CORO6: variants seen among roughly 807,000 people sequenced by gnomAD.
CORO6 encodes coronin 6, also known as coronin-6.
CORO6 carries 43 observed loss-of-function variants against 49.0 expected under a neutral mutation model. The ratio of observed to expected loss-of-function variants is 0.88; its 90% CI spans 0.69 to 1.13. The LOEUF is 1.13. CORO6 is among the 50% of genes most tolerant of loss of function. The probability of loss-of-function intolerance (pLI) is 0.00; values close to 1 mark genes in which losing one functional copy is unlikely to be tolerated. For synonymous variants in CORO6, 233 were observed against 256.5 expected (o/e 0.91, Z 0.88); for missense variants, 650 against 647.0 (o/e 1.00, Z -0.05).
At position 29,622,880 on chromosome 17, in the gene CORO6, C is replaced by A. The variant is rs1567813339; in HGVS notation, c.-256G>T. 1 of 1,288,134 alleles carries A rather than the reference C, an allele frequency of 7.8e-7. No individual in the cohort carries two copies. Among genetic ancestry groups the A allele is most frequent in the Non-Finnish European group, 1.0e-6 (1 of 983,774 alleles). The allele number at this position is 1,288,134 out of a possible 1,614,324, so 79.8% of individuals were successfully genotyped here. A position where few individuals can be genotyped will look rare whatever the true frequency, so the allele number is the denominator to read the frequency against. ...TCTCTAGAGCCCGGCGCCGCTGCAG[C>A]CCCAGCTGCCGCTGCCATCAACCTA... On this transcript the variant is annotated 5_prime_UTR_variant, in exon 1 of 11. Transcript: ENST00000388767.
chr17:29,622,217 T>TAG (rs2035340345), intron 1 of CORO6: 1 of 153,128 alleles, frequency 6.5e-6, no homozygotes, highest in East Asian at 1.9e-4. Context: ...TGGTTGGGCC[T>TAG]TCTTCCTAGT....
In CORO6 at chr17:29,615,940, C is replaced by T; in HGVS notation, c.1293+5G>A. 1.9e-6 allele frequency: 3 copies of T among 1,578,748 alleles called. No individual in the cohort carries two copies. The highest frequency in any genetic ancestry group is 2.6e-6 in the Non-Finnish European group (3 of 1,161,028). On this transcript the variant is annotated splice_donor_5th_base_variant and intron_variant, in intron 10 of 10. Transcript: ENST00000388767. The stretch of plus-strand genomic sequence containing the variant: ...TGGGCCAGAGTGCAGCAGGGCCGAT[C>T]TTACCGACAAGGGGGCGTCGCTGGC...
At position 29,621,113 on chromosome 17, in the gene CORO6, A is replaced by G; in HGVS notation, c.198+111T>C. ...GGGGAATAGGGAGGAGCCAATCCAC[A>G]CAGATGCTTCTCCTGACTATGGAAT... is the stretch of plus-strand genomic sequence containing the variant. On this transcript the variant is annotated intron_variant, in intron 2 of 10. Transcript: ENST00000388767. This position sits in a 1 kb window ranked among gnomAD's most constrained non-coding sequence, Gnocchi z 4.2. 1 of 1,388,970 alleles carries G rather than the reference A, an allele frequency of 7.2e-7. No individual in the cohort carries two copies. The highest frequency in any genetic ancestry group is 9.8e-7 in the Non-Finnish European group (1 of 1,017,974). 86.0% of individuals were successfully genotyped at this position (1,388,970 alleles called of 1,614,324 possible). A position where few individuals can be genotyped will look rare whatever the true frequency, so the allele number is the denominator to read the frequency against.
At chr17:29,620,483 T>A (rs1598645678) in intron 2 of CORO6, among the ~76,000 whole-genome samples, 1 of 152,090 alleles carries the variant, frequency 6.6e-6, no homozygotes, top group African/African-American at 2.4e-5. Flanking sequence ...TTGTCTGGGG[T>A]GAGTCACTGG....
Position 29,621,347 on chromosome 17 carries a change from G to T in CORO6, c.75C>A (p.Tyr25Ter), listed in dbSNP as rs201440567. 4 of 1,614,082 alleles carry T rather than the reference G, an allele frequency of 2.5e-6. No individual in the cohort carries two copies. In the African/African-American group the frequency reaches 5.3e-5, roughly 22 times the overall value. ...TGACCTTGGACACACGGATGTCCTC[G>T]TAGGCCTGGTCGGCCTTTGCTGCCT... Reference protein sequence around the residue: ...FGQAAKADQAYEDIRVSKVTW... With the variant: ...FGQAAKADQA Residue 25 changes from tyrosine to a stop codon, truncating the protein, a stop_gained, in exon 2 of 11, where the codon TAC becomes TAA. Coordinates refer to ENST00000388767, the MANE Select transcript of CORO6 (RefSeq NM_032854.4). LOFTEE classifies it high-confidence loss of function. The surrounding 1 kb of genome is among the most constrained non-coding windows in gnomAD (Gnocchi z 4.2).
chr17:29,616,378 T>A lies in CORO6; in HGVS notation c.1005-42A>T, dbSNP rs368623066. 67 of 1,563,284 alleles carry A rather than the reference T, an allele frequency of 4.3e-5. No homozygotes were observed. In the African/African-American group the frequency reaches 7.9e-4, roughly 19 times the overall value. ...TTCAGCACCCTCGCAGACTTCCACGTCCTTAACTTCTCCTGTCTAAGACCA... is the reference window on the plus strand; with the variant it reads ...TTCAGCACCCTCGCAGACTTCCACGACCTTAACTTCTCCTGTCTAAGACCA... On this transcript the variant is annotated intron_variant, in intron 8 of 10. Coordinates refer to ENST00000388767, the MANE Select transcript of CORO6 (RefSeq NM_032854.4). The surrounding 1 kb of genome is among the most constrained non-coding windows in gnomAD (Gnocchi z 5.6).
Position 29,616,206 on chromosome 17 carries a change from G to A in CORO6, c.1063-31C>T. On this transcript the variant is annotated intron_variant, in intron 9 of 10. Transcript: ENST00000388767. This position sits in a 1 kb window ranked among gnomAD's most constrained non-coding sequence, Gnocchi z 5.6. Reference sequence around the variant, plus strand: ...GGGGTGGGTGGACAGGAGGACTTGCGTGAGAGGGTGCGGGGCTTGCTCCGC... The same window carrying A: ...GGGGTGGGTGGACAGGAGGACTTGCATGAGAGGGTGCGGGGCTTGCTCCGC... 5 of 1,610,334 alleles carry A rather than the reference G, an allele frequency of 3.1e-6. No individual in the cohort carries two copies. Among genetic ancestry groups the A allele is most frequent in the South Asian group, 1.1e-5 (1 of 90,766 alleles).
chr17:29,622,718 G>T lies in CORO6; in HGVS notation c.-94C>A. 1 of 1,295,886 alleles carries T rather than the reference G, an allele frequency of 7.7e-7. No individual in the cohort carries two copies. The highest frequency in any genetic ancestry group is 1.3e-5 in the South Asian group (1 of 79,136). The allele number at this position is 1,295,886 out of a possible 1,614,324, so 80.3% of individuals were successfully genotyped here. A position where few individuals can be genotyped will look rare whatever the true frequency, so the allele number is the denominator to read the frequency against. On this transcript the variant is annotated 5_prime_UTR_variant, in exon 1 of 11. Coordinates refer to ENST00000388767, the MANE Select transcript of CORO6 (RefSeq NM_032854.4). ...CCTGAGCGGGCTGCGGGGCGCTCAC[G>T]CTGCGAATCCTCTGCGGAAGGGGCC...
Position 29,617,589 on chromosome 17 carries a change from G to A in CORO6, c.664C>T (p.Pro222Ser), listed in dbSNP as rs758684863. 4 of 1,605,278 alleles carry A rather than the reference G, an allele frequency of 2.5e-6. No homozygotes were observed. The highest frequency in any genetic ancestry group is 1.3e-5 in the African/African-American group (1 of 74,964). ...TGGCGCGTGAAGACGGCCCGCATGG[G>A]CCTCATCCCCTCGTGGGCCGCAAAC... ...ERFAAHEGMR[P>S]MRAVFTRQGH... Residue 222 changes from proline (P) to serine (S), a missense_variant, in exon 6 of 11, where the codon CCC becomes TCC. Transcript: ENST00000388767.
At position 29,617,882 on chromosome 17, in the gene CORO6, T is replaced by C. The variant is rs375954735; in HGVS notation, c.634-263A>G. ...TTAAGCGCGCTCAAAGGCCGATCCC[T>C]AGAGCAGGGGTGTCTGCTGGCTCCC... On this transcript the variant is annotated intron_variant, in intron 5 of 10. Transcript: ENST00000388767. The C allele has an allele frequency of 5.3e-4, 373 of 703,386 alleles. No homozygotes were observed. In the African/African-American group the frequency reaches 6.0e-3, roughly 11 times the overall value. The allele number at this position is 703,386 out of a possible 1,614,324, so 43.6% of individuals were successfully genotyped here.
In CORO6 at chr17:29,616,658, G is replaced by T. The variant is rs1268961182; in HGVS notation, c.1004+44C>A. The T allele has an allele frequency of 1.3e-6, 2 of 1,597,214 alleles. No homozygotes were observed. The highest frequency in any genetic ancestry group is 2.7e-5 in the African/African-American group (2 of 74,630). ...GTGGCTAGGACCCGACATGAGTGGGGGACAGAGGCGGGTAGGTGTTCAGGA... is the reference window on the plus strand; with the variant it reads ...GTGGCTAGGACCCGACATGAGTGGGTGACAGAGGCGGGTAGGTGTTCAGGA... On this transcript the variant is annotated intron_variant, in intron 8 of 10. Transcript: ENST00000388767. The surrounding 1 kb of genome is among the most constrained non-coding windows in gnomAD (Gnocchi z 5.6).
Position 29,618,375 on chromosome 17 carries a change from C to T in CORO6, c.633+415G>A, listed in dbSNP as rs1314202866. 5 of 1,285,882 alleles carry T rather than the reference C, an allele frequency of 3.9e-6. No individual in the cohort carries two copies. In the East Asian group the frequency reaches 1.6e-4, roughly 40 times the overall value. The allele number at this position is 1,285,882 out of a possible 1,614,324, so 79.7% of individuals were successfully genotyped here. On this transcript the variant is annotated intron_variant, in intron 5 of 10. Transcript: ENST00000388767. Reference sequence around the variant, plus strand: ...TGCCCCATCCCCCGCCCAGCGGGTCCACAAGGAGAAAGGGCCAGCCCTCGA... The same window carrying T: ...TGCCCCATCCCCCGCCCAGCGGGTCTACAAGGAGAAAGGGCCAGCCCTCGA...
At position 29,621,192 on chromosome 17, in the gene CORO6, C is replaced by A; in HGVS notation, c.198+32G>T. On this transcript the variant is annotated intron_variant, in intron 2 of 10. Transcript: ENST00000388767. The surrounding 1 kb of genome is among the most constrained non-coding windows in gnomAD (Gnocchi z 4.2). ...GTTCCCAGGGGCCCCAGCTAGTGTC[C>A]TCCCACTTGCTTCCTTTCCCTGATC... is the stretch of plus-strand genomic sequence containing the variant. 6.2e-7 allele frequency: 1 copy of A among 1,612,928 alleles called. No homozygotes were observed. Among genetic ancestry groups the A allele is most frequent in the Non-Finnish European group, 8.5e-7 (1 of 1,179,558 alleles).
chr17:29,617,625 G>T lies in CORO6; in HGVS notation c.634-6C>A. ...TCGTGGGCCGCAAACCTCTCCTGGG[G>T]GGAGGGGGAGACAGGGAGGGACATC... On this transcript the variant is annotated splice_region_variant and splice_polypyrimidine_tract_variant and intron_variant, in intron 5 of 10. Transcript: ENST00000388767. The T allele has an allele frequency of 6.3e-7, 1 of 1,588,146 alleles. No individual in the cohort carries two copies. The highest frequency in any genetic ancestry group is 8.6e-7 in the Non-Finnish European group (1 of 1,169,298).
Position 29,616,134 on chromosome 17 carries a change from G to T in CORO6, c.1104C>A (p.Gly368=), listed in dbSNP as rs1409504101. ...CGTCCGCTTCTAGGGCCGGCTCCGG[G>T]CCTGGCGTATCCGGGTACAGATCGT... ...FQDDLYPDTP[G]PEPALEADEW... Residue 368 remains glycine (G), a synonymous_variant, in exon 10 of 11, where the codon GGC becomes GGA. Coordinates refer to ENST00000388767, the MANE Select transcript of CORO6 (RefSeq NM_032854.4). This position sits in a 1 kb window ranked among gnomAD's most constrained non-coding sequence, Gnocchi z 5.6. 9 of 1,613,508 alleles carry T rather than the reference G, an allele frequency of 5.6e-6. No individual in the cohort carries two copies. The highest frequency in any genetic ancestry group is 1.1e-5 in the South Asian group (1 of 91,086).
chr17:29,618,286 G>A (rs1368183559), intron 5 of CORO6: 25 of 1,299,994 alleles, frequency 1.9e-5, no homozygotes, highest in Middle Eastern at 2.9e-4. Context: ...TAGACTTGAG[G>A]CTGGCGAGGC....
Position 29,615,793 on chromosome 17 carries a change from T to C in CORO6, c.1358A>G (p.Gln453Arg), listed in dbSNP as rs578059790. 6.4e-7 allele frequency: 1 copy of C among 1,564,244 alleles called. No homozygotes were observed. The highest frequency in any genetic ancestry group is 8.7e-7 in the Non-Finnish European group (1 of 1,155,162). The change falls in exon 11 of 11, where the codon CAG becomes CGG. Residue 453 changes from glutamine (Q) to arginine (R), a missense_variant. Physicochemically the swap from Gln to Arg is conservative, Grantham distance 43 (BLOSUM62 1). Coordinates refer to ENST00000388767, the MANE Select transcript of CORO6 (RefSeq NM_032854.4). ...CTCCAGAGCCGTGATGCGCTGCTCC[T>C]GGGCCTGCACCCGCTCGCGGAGGGC... ...IKALRERVQAQEQRITALENM... is the reference protein window; with the variant it reads ...IKALRERVQAREQRITALENM...
Position 29,622,899 on chromosome 17 carries a change from C to T in CORO6, c.-275G>A. On this transcript the variant is annotated 5_prime_UTR_variant, in exon 1 of 11. Coordinates refer to ENST00000388767, the MANE Select transcript of CORO6 (RefSeq NM_032854.4). ...CTGCAGCCCCAGCTGCCGCTGCCAT[C>T]AACCTAAGAGGGCGGGGCTAGCATA... 4 of 1,201,648 alleles carry T rather than the reference C, an allele frequency of 3.3e-6. No individual in the cohort carries two copies. The highest frequency in any genetic ancestry group is 2.1e-6 in the Non-Finnish European group (2 of 948,800). 74.4% of individuals were successfully genotyped at this position (1,201,648 alleles called of 1,614,324 possible).
rs1171595195 is a variant in CORO6 at position 29,618,265 on chromosome 17, G to A, written c.633+525C>T. On this transcript the variant is annotated intron_variant, in intron 5 of 10. Transcript: ENST00000388767. ...AGACATGCACGCGGCCCACGCACCCGCACCCCAGGTTAGACTTGAGGCTGG... is the reference window on the plus strand; with the variant it reads ...AGACATGCACGCGGCCCACGCACCCACACCCCAGGTTAGACTTGAGGCTGG... 2.3e-6 allele frequency: 3 copies of A among 1,305,334 alleles called. No homozygotes were observed. In the African/African-American group the frequency reaches 4.6e-5, roughly 20 times the overall value. 80.9% of individuals were successfully genotyped at this position (1,305,334 alleles called of 1,614,324 possible).
Sources: gnomAD v4.1 joint callset for allele counts (sites outside exome capture counted in the v4.1 genomes callset) on GRCh38, gnomAD v4.1.1 for gene constraint, Gnocchi (gnomAD v3.1) non-coding constraint, MANE v1.5 for transcripts, NCBI Gene and HGNC (gene_info 2026-07-23, HGNC 2026-07-21) for gene names.